Variants in GPHN observed in about 807,000 individuals in gnomAD.
GPHN encodes the protein gephyrin.
GPHN carries 17 observed loss-of-function variants against 95.5 expected under a neutral mutation model. The observed-to-expected ratio is 0.18, with a 90% CI of 0.12 to 0.27. The LOEUF (loss-of-function observed/expected upper bound fraction) is 0.27, where lower values mean the gene tolerates loss of function less well. Ranked by LOEUF, GPHN falls within the 10% of genes least tolerant of loss-of-function variation. The pLI is 1.00. For missense variants in GPHN, 660 were observed against 978.1 expected (o/e 0.67, Z 4.34); for synonymous variants, 320 against 322.5 (o/e 0.99, Z 0.08).
At chr14:67,117,312 A>G (rs1192398604) in intron 16 of GPHN, among the ~76,000 whole-genome samples, 3 of 152,248 alleles carry the variant, frequency 2.0e-5, no homozygotes, top group South Asian at 2.1e-4. Flanking sequence ...GAATAATTGT[A>G]GTCATATCAA....
At chr14:67,340,663 A>G in the GPHN span, 2 of 685,988 alleles carry the variant, frequency 2.9e-6, no homozygotes, top group Non-Finnish European at 2.4e-6. Flanking sequence ...TAAAAACACA[A>G]AGAAGCTCTT....
the GPHN span, among the ~76,000 whole-genome samples, chr14:67,493,043 A>G: frequency 6.6e-6 from 1 of 152,232 alleles, no homozygotes; most frequent in East Asian, 1.9e-4. Context: ...ATAGGTTAGA[A>G]AGATGAGAAG....
chr14:66,558,137 A>T (rs1310639797), intron 1 of GPHN, among the ~76,000 whole-genome samples: 1 of 152,150 alleles, frequency 6.6e-6, no homozygotes, highest in East Asian at 1.9e-4. Flanking sequence ...AAACTCCTAA[A>T]TCAAAGTGGG....
chr14:67,486,083 A>G, the GPHN span, among the ~76,000 whole-genome samples: 1 of 152,194 alleles, frequency 6.6e-6, no homozygotes, highest in Non-Finnish European at 1.5e-5. Flanking sequence ...GCTGTTTCCC[A>G]GGTGTGAGTG....
At chr14:67,446,790 C>T in the GPHN span, among the ~76,000 whole-genome samples, 1 of 152,172 alleles carries the variant, frequency 6.6e-6, no homozygotes, top group East Asian at 1.9e-4. Flanking sequence ...AATGAGGATC[C>T]TAAGCTCAGA....
chr14:66,508,702 G>A (rs1384391239), intron 1 of GPHN, 111 bp downstream of exon 1: 2 of 961,668 alleles, frequency 2.1e-6, no homozygotes, highest in Non-Finnish European at 3.4e-6. Flanking sequence ...GAAGGCTGAA[G>A]AAGGGAACCG....
intron 2 of GPHN, among the ~76,000 whole-genome samples, chr14:66,739,964 AAAT>A (rs1175656815): frequency 1.2e-4 from 18 of 152,200 alleles, no homozygotes; most frequent in African/African-American, 4.3e-4. Context: ...AATTGGAAAC[AAAT>A]AATCTAAATT....
the GPHN span, chr14:67,735,106 C>A: frequency 3.9e-6 from 3 of 773,572 alleles, no homozygotes; most frequent in African/African-American, 1.7e-5. Flanking sequence ...GCAAAGAATG[C>A]AAAAGAAAAC....
chr14:67,589,003 A>C, the GPHN span: 1 of 152,678 alleles, frequency 6.5e-6, no homozygotes, highest in Non-Finnish European at 1.5e-5. Flanking sequence ...TCTAGCTGAG[A>C]CATTTCTACC....
chr14:67,418,785 T>C, the GPHN span, among the ~76,000 whole-genome samples: 1 of 152,218 alleles, frequency 6.6e-6, no homozygotes, highest in Non-Finnish European at 1.5e-5. Flanking sequence ...AGGGACTACG[T>C]GACTTGGAGC....
the GPHN span, among the ~76,000 whole-genome samples, chr14:67,435,212 C>A: frequency 6.6e-6 from 1 of 152,140 alleles, no homozygotes; most frequent in Non-Finnish European, 1.5e-5. Context: ...GGTGATCCAC[C>A]TGCCTCAGCA....
intron 2 of GPHN, among the ~76,000 whole-genome samples, chr14:66,731,524 C>A (rs1223627261): frequency 6.6e-6 from 1 of 152,174 alleles, no homozygotes; most frequent in African/African-American, 2.4e-5. Context: ...TTTGCCCCTG[C>A]CCTAGAAATC....
chr14:66,853,435 G>A (rs1400542002), intron 4 of GPHN, among the ~76,000 whole-genome samples: 1 of 152,202 alleles, frequency 6.6e-6, no homozygotes, highest in Non-Finnish European at 1.5e-5. Context: ...ACATACCTGA[G>A]ACTGGGTAAC....
At chr14:66,924,339 T>C (rs767565175) in intron 8 of GPHN, 47 bp downstream of exon 8, 10 of 988,920 alleles carry the variant, frequency 1.0e-5, no homozygotes, top group African/African-American at 1.6e-5. Flanking sequence ...ATATGTATTC[T>C]ACTTCCTCTC....
At chr14:67,507,332 G>A in the GPHN span, among the ~76,000 whole-genome samples, 1 of 152,056 alleles carries the variant, frequency 6.6e-6, no homozygotes, top group Non-Finnish European at 1.5e-5. Flanking sequence ...CTGGGTGACA[G>A]AACAACATCC....
the GPHN span, among the ~76,000 whole-genome samples, chr14:67,501,957 T>C: frequency 1.3e-5 from 2 of 152,220 alleles, no homozygotes; most frequent in Non-Finnish European, 2.9e-5. Flanking sequence ...AGAAAATCTT[T>C]TGGTTTTATA....
At chr14:67,366,796 G>A in the GPHN span, among the ~76,000 whole-genome samples, 18 of 149,620 alleles carry the variant, frequency 1.2e-4, no homozygotes, top group African/African-American at 4.0e-4. Context: ...GCCAAAAGCA[G>A]GCCAAAATTG....
chr14:67,138,295 C>A (rs2080222783), intron 17 of GPHN, among the ~76,000 whole-genome samples: 1 of 152,076 alleles, frequency 6.6e-6, no homozygotes, highest in African/African-American at 2.4e-5. Flanking sequence ...AATTATATTT[C>A]TTGGATATTA....
At chr14:66,947,591 A>G (rs112148786) in intron 8 of GPHN, among the ~76,000 whole-genome samples, 2,304 of 152,292 alleles carry the variant, frequency 0.015, 33 homozygotes, top group Non-Finnish European at 0.018. Flanking sequence ...TGATGGAATC[A>G]ATGTCTATTA....
Sources: gnomAD v4.1 joint callset for allele counts (sites outside exome capture counted in the v4.1 genomes callset) on GRCh38, gnomAD v4.1.1 for gene constraint, MANE v1.5 for transcripts, NCBI Gene and HGNC (gene_info 2026-07-23, HGNC 2026-07-21) for gene names.